Variants in GTF2I observed in about 807,000 individuals in gnomAD.
The protein encoded by GTF2I is general transcription factor IIi, also known as general transcription factor II-I.
GTF2I carries 12 observed loss-of-function variants against 67.6 expected under a neutral mutation model. The ratio of observed to expected loss-of-function variants is 0.18; its 90% CI spans 0.11 to 0.29. The LOEUF is 0.29. Among genes scored for constraint, GTF2I ranks in the 10% least tolerant of loss-of-function variants. The probability of loss-of-function intolerance (pLI) is 1.00; values close to 1 mark genes in which losing one functional copy is unlikely to be tolerated. For synonymous variants in GTF2I, 149 were observed against 197.0 expected, an observed-to-expected ratio of 0.76 and a Z score of 2.04; for missense variants, 271 against 580.1, an observed-to-expected ratio of 0.47 and a Z score of 5.47.
At chr7:74,717,243 T>C (rs1323894794) in intron 11 of GTF2I, among the ~76,000 whole-genome samples, 3 of 152,120 alleles carry the variant, frequency 2.0e-5, no homozygotes, top group Non-Finnish European at 2.9e-5. Flanking sequence ...ATATTAAATA[T>C]CTTTTAAGGA....
At chr7:74,714,354 T>G (rs1791991505) in intron 9 of GTF2I, among the ~76,000 whole-genome samples, 2 of 152,218 alleles carry the variant, frequency 1.3e-5, no homozygotes, top group African/African-American at 2.4e-5. Flanking sequence ...CATTTCTATT[T>G]CAGTAGAGAT....
chr7:74,717,091 A>G, intron 11 of GTF2I, 141 bp downstream of exon 11: 1 of 1,226,756 alleles, frequency 8.2e-7, no homozygotes, highest in Non-Finnish European at 1.1e-6. Flanking sequence ...ACAGGTTATT[A>G]TTTTTTTAAA....
Position 74,700,273 on chromosome 7 carries a change from G to T in GTF2I, c.400G>T (p.Val134Leu), listed in dbSNP as rs1378271459. Residue 134 changes from valine to leucine, a missense_variant, in exon 5 of 35, where the codon GTA becomes TTA. Val to Leu is a conservative substitution (Grantham distance 32, BLOSUM62 1). Transcript: ENST00000573035. The stretch of plus-strand genomic sequence containing the variant: ...GAAAGCTTTAGGCAAATCCACAGTG[G>T]TACCTGTACCATATGAGAAGATGCT... ...YGKALGKSTVVPVPYEKMLRD... is the reference protein window; with the variant it reads ...YGKALGKSTVLPVPYEKMLRD... 6.2e-7 allele frequency: 1 copy of T among 1,613,900 alleles called. No homozygotes were observed. The highest frequency in any genetic ancestry group is 8.5e-7 in the Non-Finnish European group (1 of 1,180,002).
chr7:74,704,650 G>A (rs1354128851), intron 6 of GTF2I, among the ~76,000 whole-genome samples: 2 of 151,932 alleles, frequency 1.3e-5, no homozygotes, highest in Non-Finnish European at 2.9e-5. Context: ...AGGAGTTCGA[G>A]ATAAGCCTGG....
intron 1 of GTF2I, among the ~76,000 whole-genome samples, chr7:74,668,222 A>G (rs994469863): frequency 4.9e-5 from 6 of 122,966 alleles, no homozygotes; most frequent in East Asian, 2.5e-4. Context: ...TCTGTTGCCC[A>G]GGCTGGAATG....
At chr7:74,665,132 G>A (rs1171201845) in intron 1 of GTF2I, among the ~76,000 whole-genome samples, 6 of 150,630 alleles carry the variant, frequency 4.0e-5, no homozygotes, top group African/African-American at 1.5e-4. Flanking sequence ...AGTAGAGACG[G>A]GGTTTCTCCA....
intron 1 of GTF2I, among the ~76,000 whole-genome samples, chr7:74,664,040 G>C (rs782489559): frequency 4.6e-5 from 7 of 152,052 alleles, no homozygotes; most frequent in Non-Finnish European, 7.4e-5. Context: ...TGTTGGCCAG[G>C]TTGGTCTCAA....
At chr7:74,690,470 G>A (rs1313870039) in intron 2 of GTF2I, among the ~76,000 whole-genome samples, 1 of 152,172 alleles carries the variant, frequency 6.6e-6, no homozygotes, top group Non-Finnish European at 1.5e-5. Flanking sequence ...TGTGTACACA[G>A]GGGAATACTT....
intron 12 of GTF2I, among the ~76,000 whole-genome samples, chr7:74,720,136 G>T (rs986560101): frequency 5.9e-5 from 9 of 152,150 alleles, no homozygotes; most frequent in Non-Finnish European, 1.2e-4. Flanking sequence ...TACATATCTT[G>T]ATGCGAAAAT....
chr7:74,719,130 T>G (rs1010131709), intron 12 of GTF2I, among the ~76,000 whole-genome samples, 189 bp downstream of exon 12: 5 of 152,210 alleles, frequency 3.3e-5, no homozygotes, highest in Non-Finnish European at 5.9e-5. Flanking sequence ...AATGAGGCCG[T>G]GAGAATTAGC....
chr7:74,701,225 G>A (rs1554399801), intron 6 of GTF2I, among the ~76,000 whole-genome samples: 2 of 152,070 alleles, frequency 1.3e-5, no homozygotes, highest in South Asian at 2.1e-4. Context: ...TCATTTGAAG[G>A]GAAAACAGGA....
At chr7:74,671,475 G>GTT (rs1403416010) in intron 1 of GTF2I, among the ~76,000 whole-genome samples, 1 of 139,690 alleles carries the variant, frequency 7.2e-6, no homozygotes, top group Admixed American at 7.1e-5. Context: ...GAAGTGTCTT[G>GTT]TTTTTTTTTT....
intron 1 of GTF2I, among the ~76,000 whole-genome samples, chr7:74,660,768 C>T (rs1804416420): frequency 6.6e-6 from 1 of 151,870 alleles, no homozygotes; most frequent in Non-Finnish European, 1.5e-5. Context: ...ATTACAGGAG[C>T]GCTCCACCAC....
chr7:74,717,488 G>A (rs1301038734), intron 11 of GTF2I, among the ~76,000 whole-genome samples: 1 of 152,118 alleles, frequency 6.6e-6, no homozygotes, highest in African/African-American at 2.4e-5. Context: ...CTGAGGTACA[G>A]TTCTTTTTGT....
intron 14 of GTF2I, among the ~76,000 whole-genome samples, chr7:74,731,608 G>A (rs1467118190): frequency 6.7e-6 from 1 of 149,386 alleles, no homozygotes; most frequent in Admixed American, 6.7e-5. Context: ...GGAGTGGCAC[G>A]ATCTTGGCTC....
In GTF2I at chr7:74,700,334, C is replaced by T; in HGVS notation, c.461C>T (p.Pro154Leu). ...DQSAVVVQGL[P>L]EGVAFKHPEN... ...TCGGCTGTGGTAGTGCAGGGGCTTC[C>T]GGAAGGTGTTGCCTTTAAACACCCC... The change falls in exon 5 of 35, where the codon CCG becomes CTG. Residue 154 changes from proline to leucine, a missense_variant. By Grantham distance (98) the Pro-to-Leu change is moderately conservative (BLOSUM62 -3). Coordinates refer to ENST00000573035, the MANE Select transcript of GTF2I (RefSeq NM_032999.4). 6.2e-7 allele frequency: 1 copy of T among 1,614,096 alleles called. No individual in the cohort carries two copies. Among genetic ancestry groups the T allele is most frequent in the Non-Finnish European group, 8.5e-7 (1 of 1,180,026 alleles).
In GTF2I at chr7:74,672,092, G is replaced by C. The variant is rs781965768; in HGVS notation, c.-6+14024G>C. ...ACTTGCCATTCATATATATGTATGAGTTATATATATTCATATATATATGAG... is the reference window on the plus strand; with the variant it reads ...ACTTGCCATTCATATATATGTATGACTTATATATATTCATATATATATGAG... On this transcript the variant is annotated intron_variant, in intron 1 of 34. Transcript: ENST00000573035. Among the ~76,000 whole-genome samples the C allele has an allele frequency of 8.0e-4, 122 of 151,910 alleles. 2 individuals are homozygous for C. The highest frequency in any genetic ancestry group is 1.4e-3 in the Non-Finnish European group (95 of 67,942).
chr7:74,682,526 G>C (rs1434257504), intron 1 of GTF2I, among the ~76,000 whole-genome samples: 6 of 152,160 alleles, frequency 3.9e-5, no homozygotes, highest in African/African-American at 1.4e-4. Flanking sequence ...CTTCTACTGG[G>C]TGGGCCAAGG....
chr7:74,698,680 G>A (rs1014433649), intron 3 of GTF2I, among the ~76,000 whole-genome samples: 3 of 151,988 alleles, frequency 2.0e-5, no homozygotes, highest in Non-Finnish European at 4.4e-5. Context: ...ACAAGGTGGT[G>A]GAATTACAGG....
Sources: gnomAD v4.1 joint callset for allele counts (sites outside exome capture counted in the v4.1 genomes callset) on GRCh38, gnomAD v4.1.1 for gene constraint, MANE v1.5 for transcripts, NCBI Gene and HGNC (gene_info 2026-07-23, HGNC 2026-07-21) for gene names.